The following FHIT variants were observed in gnomAD, a reference collection of about 807,000 sequenced individuals.
FHIT encodes fragile histidine triad diadenosine triphosphatase.
A neutral mutation model predicts 17.9 loss-of-function variants in FHIT; 19 were observed. The observed-to-expected ratio is 1.06, with a 90% confidence interval of 0.74 to 1.56. The LOEUF is 1.56. Ranked by LOEUF, FHIT falls within the 40% of genes most tolerant of loss-of-function variation. The probability of loss-of-function intolerance (pLI) is 0.00; values close to 1 mark genes in which losing one functional copy is unlikely to be tolerated. For synonymous variants in FHIT, 81 were observed against 69.7 expected, an observed-to-expected ratio of 1.16 and a Z score of -0.81; for missense variants, 248 against 189.2, an observed-to-expected ratio of 1.31 and a Z score of -1.82.
At chr3:60,720,783 AAG>A (rs2041792869) in intron 4 of FHIT, among the ~76,000 whole-genome samples, 1 of 152,174 alleles carries the variant, frequency 6.6e-6, no homozygotes, top group Admixed American at 6.6e-5. Flanking sequence ...GGGCGTCAAG[AAG>A]AGTCCTCATT....
At chr3:60,336,992 C>A (rs764382005) in intron 5 of FHIT, among the ~76,000 whole-genome samples, 6 of 151,830 alleles carry the variant, frequency 4.0e-5, no homozygotes, top group Admixed American at 6.6e-5. Flanking sequence ...ACAGAAATTT[C>A]ATTTATATAT....
chr3:60,635,102 TGCA>T (rs35559858), intron 4 of FHIT, among the ~76,000 whole-genome samples: 51,468 of 151,924 alleles, frequency 0.34, 9,738 homozygotes, highest in Non-Finnish European at 0.43. Context: ...TTTGGAATAC[TGCA>T]GCAGATCTTA....
In FHIT at chr3:60,484,656, T is replaced by C. The variant is rs183782275; in HGVS notation, c.103+52204A>G. Among the ~76,000 whole-genome samples, 263 of 152,292 alleles carry C rather than the reference T, an allele frequency of 1.7e-3. 1 individual carries two copies. Among genetic ancestry groups the C allele is most frequent in the Non-Finnish European group, 3.7e-4 (25 of 68,024 alleles). ...AACTGGACCCCTTCCTTACACCTTATACAAAAATTAACTCAAGATGGATTA... is the reference window on the plus strand; with the variant it reads ...AACTGGACCCCTTCCTTACACCTTACACAAAAATTAACTCAAGATGGATTA... On this transcript the variant is annotated intron_variant, in intron 5 of 9. Transcript: ENST00000492590.
At chr3:60,913,242 C>T (rs1706834600) in intron 3 of FHIT, among the ~76,000 whole-genome samples, 1 of 152,192 alleles carries the variant, frequency 6.6e-6, no homozygotes, top group African/African-American at 2.4e-5. Flanking sequence ...ACTTGAGTAT[C>T]TAATATACAG....
intron 3 of FHIT, among the ~76,000 whole-genome samples, chr3:60,850,260 A>G (rs947754385): frequency 2.0e-5 from 3 of 151,210 alleles, no homozygotes; most frequent in African/African-American, 7.3e-5. Flanking sequence ...GCACAGGTGC[A>G]ACTAATAATA....
At chr3:59,961,027 A>G (rs1707651634) in intron 7 of FHIT, among the ~76,000 whole-genome samples, 1 of 152,196 alleles carries the variant, frequency 6.6e-6, no homozygotes, top group African/African-American at 2.4e-5. Flanking sequence ...TGAAAGCCAA[A>G]ATGTCCGAAA....
chr3:60,078,052 G>C (rs1053590498), intron 5 of FHIT, among the ~76,000 whole-genome samples: 1 of 152,014 alleles, frequency 6.6e-6, no homozygotes, highest in South Asian at 2.1e-4. Flanking sequence ...CATAAATAAG[G>C]AGTAATTAAA....
At chr3:59,899,965 T>A (rs1009518626) in intron 8 of FHIT, among the ~76,000 whole-genome samples, 1 of 152,236 alleles carries the variant, frequency 6.6e-6, no homozygotes, top group African/African-American at 2.4e-5. Flanking sequence ...TTGCCGGCCA[T>A]AGGTAAACAA....
At chr3:60,445,095 A>G (rs12054281) in intron 5 of FHIT, among the ~76,000 whole-genome samples, 12,010 of 152,170 alleles carry the variant, frequency 0.079, 986 homozygotes, top group East Asian at 0.41. Flanking sequence ...GTGGATTACC[A>G]TAAGTACTCT....
Position 60,730,231 on chromosome 3 carries a change from GT to G in FHIT, c.-18+91687del. ...GTATTCCTCTTTGTGCTGTACAGCT[GT>G]CATGGCCACAGCCAGCTCACTGATC... On this transcript the variant is annotated intron_variant, in intron 4 of 9. Transcript: ENST00000492590. 3.2e-5 allele frequency: 9 copies of G among 278,972 alleles called. No individual in the cohort carries two copies. In the South Asian group the frequency reaches 4.0e-4, roughly 13 times the overall value. The allele number at this position is 278,972 out of a possible 1,614,324, so 17.3% of individuals were successfully genotyped here. A position where few individuals can be genotyped will look rare whatever the true frequency, so the allele number is the denominator to read the frequency against.
intron 5 of FHIT, among the ~76,000 whole-genome samples, chr3:60,036,780 TG>T (rs1388766363): frequency 6.6e-6 from 1 of 152,202 alleles, no homozygotes; most frequent in African/African-American, 2.4e-5. Context: ...TTTGTTTGTT[TG>T]TTTGTTTTTG....
chr3:60,533,417 G>A (rs902869731), intron 5 of FHIT, among the ~76,000 whole-genome samples: 2 of 152,188 alleles, frequency 1.3e-5, no homozygotes, highest in Non-Finnish European at 1.5e-5. Flanking sequence ...AGCAGGTCTC[G>A]TCCATAGGAA....
intron 8 of FHIT, among the ~76,000 whole-genome samples, chr3:59,898,837 T>C (rs1274969479): frequency 6.6e-6 from 1 of 152,156 alleles, no homozygotes; most frequent in Non-Finnish European, 1.5e-5. Flanking sequence ...ACAATAATAA[T>C]GGCTGGTAGT....
chr3:60,331,879 A>G (rs998897528), intron 5 of FHIT, among the ~76,000 whole-genome samples: 5 of 151,768 alleles, frequency 3.3e-5, no homozygotes, highest in South Asian at 4.2e-4. Context: ...AAGAAAAGAA[A>G]TATACTCTAC....
intron 4 of FHIT, among the ~76,000 whole-genome samples, chr3:60,641,502 CA>C: frequency 6.6e-6 from 1 of 152,228 alleles, no homozygotes. Flanking sequence ...AGAATTTTCT[CA>C]GGGGCCCAGA....
intron 8 of FHIT, among the ~76,000 whole-genome samples, chr3:59,849,986 T>C (rs1701869822): frequency 6.6e-6 from 1 of 152,190 alleles, no homozygotes; most frequent in Non-Finnish European, 1.5e-5. Flanking sequence ...AAGTAAGTCA[T>C]GCTGGGTTTT....
chr3:60,894,211 A>G (rs1353051816), intron 3 of FHIT, among the ~76,000 whole-genome samples: 1 of 152,218 alleles, frequency 6.6e-6, no homozygotes, highest in African/African-American at 2.4e-5. Context: ...AACCACATCA[A>G]AAAAGGCTAT....
rs546903118 is a variant in FHIT, at chr3:59,782,706, G to T, written c.349-30385C>A. On this transcript the variant is annotated intron_variant, in intron 8 of 9. Transcript: ENST00000492590. ...GTTTTATTAATTAAATGATAATTTT[G>T]GGGGGTGAGTACACAAGGAGATAAA... Among the ~76,000 whole-genome samples, 89 of 152,256 alleles carry T rather than the reference G, an allele frequency of 5.8e-4. 3 individuals carry two copies. In the South Asian group the frequency reaches 0.016, roughly 28 times the overall value.
At chr3:60,700,135 A>C (rs1553701756) in intron 4 of FHIT, among the ~76,000 whole-genome samples, 1 of 151,366 alleles carries the variant, frequency 6.6e-6, no homozygotes, top group Non-Finnish European at 1.5e-5. Flanking sequence ...TGTCTCAAAA[A>C]AAAAAAAAAA....
Sources: allele counts gnomAD v4.1 joint callset (sites outside exome capture counted in the v4.1 genomes callset), GRCh38; gene constraint gnomAD v4.1.1; transcripts MANE v1.5; gene names NCBI Gene and HGNC (gene_info 2026-07-23, HGNC 2026-07-21).